Variants in TG observed in about 807,000 individuals in gnomAD.
The protein encoded by TG is thyroid hormones.
In TG, 270 loss-of-function variants were observed where a neutral mutation model predicts 324.7. That is an observed-to-expected ratio of 0.83 (90% CI 0.75 to 0.92). The LOEUF (loss-of-function observed/expected upper bound fraction) is 0.92. TG is among the 40% of genes least tolerant of loss of function. The probability of loss-of-function intolerance (pLI) is 0.00; values close to 1 mark genes in which losing one functional copy is unlikely to be tolerated. For synonymous variants in TG, 1,401 were observed against 1,327.0 expected (o/e 1.06, Z -1.21); for missense variants, 3,591 against 3,456.4 (o/e 1.04, Z -0.98).
At position 132,935,841 on chromosome 8, in the gene TG, C is replaced by T. The variant is rs1233442277; in HGVS notation, c.5018C>T (p.Ser1673Phe). The T allele has an allele frequency of 4.3e-6, 7 of 1,612,434 alleles. No individual in the cohort carries two copies. Among genetic ancestry groups the T allele is most frequent in the Non-Finnish European group, 5.9e-6 (7 of 1,180,016 alleles). ...QVKVRSHGQD[S>F]PAVYLKKGQG... ...AAAGTGAGGAGCCATGGTCAAGATT[C>T]TCCAGCTGTGTATTTGAAAAAGGGT... The change falls in exon 25 of 48, where the codon TCT becomes TTT. Residue 1673 changes from serine to phenylalanine, a missense_variant. Coordinates refer to ENST00000220616, the MANE Select transcript of TG (RefSeq NM_003235.5).
At chr8:133,019,157 T>C (rs1835333666) in intron 38 of TG, among the ~76,000 whole-genome samples, 1 of 152,176 alleles carries the variant, frequency 6.6e-6, no homozygotes, top group Non-Finnish European at 1.5e-5. Context: ...CCATTAGTCA[T>C]AGTCACAGCT....
chr8:133,114,290 C>T (rs1400260659), intron 44 of TG, among the ~76,000 whole-genome samples: 2 of 152,286 alleles, frequency 1.3e-5, no homozygotes, highest in East Asian at 3.9e-4. Context: ...GCTCAAGCTT[C>T]TCTCACTTGG....
At chr8:132,942,302 A>T (rs1824558525) in intron 26 of TG, among the ~76,000 whole-genome samples, 1 of 152,226 alleles carries the variant, frequency 6.6e-6, no homozygotes, top group South Asian at 2.1e-4. Context: ...AATGAGTGCA[A>T]AATGCTGCGT....
rs73347488 is a variant in TG, at chr8:132,887,343, G to C, written c.1971G>C (p.Arg657Ser). ...CAAGAGTCAGAGGTGGACAGCCAAGGTGCCCCACAGACTGTGAAAAGCAAA... is the reference window on the plus strand; with the variant it reads ...CAAGAGTCAGAGGTGGACAGCCAAGCTGCCCCACAGACTGTGAAAAGCAAA... ...PGSRVRGGQPRCPTDCEKQRA... is the reference protein window; with the variant it reads ...PGSRVRGGQPSCPTDCEKQRA... Residue 657 changes from arginine to serine, a missense_variant, in exon 9 of 48, where the codon AGG (arginine) becomes AGC (serine). Physicochemically the swap from Arg to Ser is moderately radical, Grantham distance 110. Coordinates refer to ENST00000220616, the MANE Select transcript of TG (RefSeq NM_003235.5). 1.2e-6 allele frequency: 2 copies of C among 1,612,856 alleles called. No homozygotes were observed. Among genetic ancestry groups the C allele is most frequent in the African/African-American group, 2.7e-5 (2 of 75,028 alleles).
intron 3 of TG, among the ~76,000 whole-genome samples, chr8:132,870,406 T>A (rs993178220): frequency 1.3e-5 from 2 of 148,170 alleles, no homozygotes; most frequent in Non-Finnish European, 3.0e-5. Context: ...GCTGGCCCCA[T>A]ACTCTCCTGC....
intron 41 of TG, chr8:133,050,646 C>A: frequency 1.7e-6 from 1 of 595,662 alleles, no homozygotes. Context: ...GGTTCTAGAG[C>A]ACTGGCCACA....
intron 34 of TG, among the ~76,000 whole-genome samples, chr8:132,981,098 G>T (rs1830784955): frequency 6.6e-6 from 1 of 152,166 alleles, no homozygotes; most frequent in Non-Finnish European, 1.5e-5. Context: ...TCTCAGTCCT[G>T]TACAATAAAG....
intron 41 of TG, among the ~76,000 whole-genome samples, chr8:133,060,769 A>G (rs1429479663): frequency 3.3e-5 from 5 of 152,170 alleles, no homozygotes; most frequent in African/African-American, 1.2e-4. Context: ...ATCAACTGTT[A>G]CTTTTGATCA....
chr8:132,893,422 G>A (rs1278653965), intron 10 of TG, among the ~76,000 whole-genome samples: 1 of 134,780 alleles, frequency 7.4e-6, no homozygotes, highest in Non-Finnish European at 1.6e-5. Context: ...TGTGGTGTGT[G>A]TATGTGTGTG....
At chr8:133,051,308 A>G (rs1245733803) in intron 41 of TG, among the ~76,000 whole-genome samples, 1 of 152,160 alleles carries the variant, frequency 6.6e-6, no homozygotes, top group Non-Finnish European at 1.5e-5. Flanking sequence ...AGATGAGAGT[A>G]TGTTACACCA....
intron 35 of TG, among the ~76,000 whole-genome samples, chr8:133,004,171 A>C (rs986845278): frequency 8.1e-5 from 11 of 136,330 alleles, no homozygotes; most frequent in African/African-American, 3.1e-4. Flanking sequence ...CTTACTTCCA[A>C]GGGCATATTC....
rs188375273 is a variant in TG at position 132,869,946 on chromosome 8, C to T, written c.274+120C>T. 1.1e-3 allele frequency: 851 copies of T among 796,720 alleles called. 1 individual carries two copies. The highest frequency in any genetic ancestry group is 9.6e-4 in the Non-Finnish European group (470 of 487,754). The allele number at this position is 796,720 out of a possible 1,614,324, so 49.4% of individuals were successfully genotyped here. A position where few individuals can be genotyped will look rare whatever the true frequency, so the allele number is the denominator to read the frequency against. On this transcript the variant is annotated intron_variant, in intron 3 of 47. Transcript: ENST00000220616. The stretch of plus-strand genomic sequence containing the variant: ...TCCTCCCTCTGGGCTGCTGGCTTCT[C>T]CTCTGTGAATAAGAATCATCCCTGC...
chr8:133,098,146 C>G (rs1848714779), intron 43 of TG, among the ~76,000 whole-genome samples: 1 of 152,178 alleles, frequency 6.6e-6, no homozygotes, highest in African/African-American at 2.4e-5. Flanking sequence ...GACAACCATT[C>G]AGGAATCACT....
intron 27 of TG, among the ~76,000 whole-genome samples, chr8:132,953,908 G>A (rs1826469859): frequency 6.6e-6 from 1 of 151,998 alleles, no homozygotes; most frequent in Admixed American, 6.6e-5. Flanking sequence ...GCTGCATATG[G>A]CTAGTTTTTG....
chr8:133,033,148 T>C (rs1333778803), intron 41 of TG, among the ~76,000 whole-genome samples: 1 of 152,192 alleles, frequency 6.6e-6, no homozygotes, highest in East Asian at 1.9e-4. Flanking sequence ...CACTTCACCT[T>C]GTATTCTTCA....
chr8:133,108,147 A>AT (rs36055969), intron 43 of TG, among the ~76,000 whole-genome samples: 192 of 141,596 alleles, frequency 1.4e-3, no homozygotes, highest in East Asian at 5.9e-3. Flanking sequence ...ACACCTGGCT[A>AT]TTTTTTTTTT....
intron 16 of TG, among the ~76,000 whole-genome samples, chr8:132,903,929 T>C (rs193033779): frequency 1.8e-4 from 28 of 152,352 alleles, no homozygotes; most frequent in Non-Finnish European, 3.2e-4. Flanking sequence ...GCACTGGAAT[T>C]ACTAATACAC....
Position 133,047,916 on chromosome 8 carries a change from A to G in TG, c.7239+17893A>G, listed in dbSNP as rs767704779. The G allele has an allele frequency of 3.1e-6, 5 of 1,610,126 alleles. No homozygotes were observed. The highest frequency in any genetic ancestry group is 4.2e-6 in the Non-Finnish European group (5 of 1,177,642). On this transcript the variant is annotated intron_variant, in intron 41 of 47. Coordinates refer to ENST00000220616, the MANE Select transcript of TG (RefSeq NM_003235.5). ...CAGCTCCTCGGCCTTGTCTCTGCCC[A>G]GGCCCTCAAACAGCCAGCTGGGAAG... is the stretch of plus-strand genomic sequence containing the variant.
rs1432693948 is a variant in TG at position 132,969,811 on chromosome 8, G to A, written c.5975+242G>A. ...TGCTAGTAGTCCCAGTTACTCAGGA[G>A]GCTGAGGCAGAAGAATTGCTTGAAC... On this transcript the variant is annotated intron_variant, in intron 32 of 47. Coordinates refer to ENST00000220616, the MANE Select transcript of TG (RefSeq NM_003235.5). 4.0e-5 allele frequency among the ~76,000 whole-genome samples: 6 copies of A among 151,054 alleles called. No individual in the cohort carries two copies. In the South Asian group the frequency reaches 8.4e-4, roughly 21 times the overall value.
Sources: gnomAD v4.1 joint callset for allele counts (sites outside exome capture counted in the v4.1 genomes callset) on GRCh38, gnomAD v4.1.1 for gene constraint, MANE v1.5 for transcripts, NCBI Gene and HGNC (gene_info 2026-07-23, HGNC 2026-07-21) for gene names.